Variants in SNRPN observed in about 807,000 individuals in gnomAD.
SNRPN encodes small nuclear ribonucleoprotein polypeptide N.
A neutral mutation model predicts 25.2 loss-of-function variants in SNRPN; 7 were observed. The ratio of observed to expected loss-of-function variants is 0.28; its 90% CI spans 0.16 to 0.52. The LOEUF is 0.52. Among genes scored for constraint, SNRPN ranks in the 20% least tolerant of loss-of-function variants. The pLI is 0.96. For synonymous variants in SNRPN, 124 were observed against 110.6 expected (o/e 1.12, Z -0.76); for missense variants, 196 against 322.5 (o/e 0.61, Z 3.00).
At chr15:24,837,976 G>A (rs2051361268) in intron 2 of SNRPN, among the ~76,000 whole-genome samples, 1 of 151,686 alleles carries the variant, frequency 6.6e-6, no homozygotes, top group Non-Finnish European at 1.5e-5. Context: ...GCCTGCCTCG[G>A]CCTCCCAAAG....
At chr15:24,958,795 C>G (rs2074300483) in intron 1 of SNRPN, 1 of 154,298 alleles carries the variant, frequency 6.5e-6, no homozygotes, top group Non-Finnish European at 1.5e-5. Flanking sequence ...TTATAGCTCC[C>G]TGTAACCTCA....
intron 2 of SNRPN, among the ~76,000 whole-genome samples, chr15:24,966,694 G>A (rs2075692309): frequency 6.6e-6 from 1 of 152,124 alleles, no homozygotes; most frequent in South Asian, 2.1e-4. Flanking sequence ...AGGATGTATA[G>A]GTTACTTCCC....
chr15:24,866,287 T>A (rs1402761671), intron 1 of SNRPN, among the ~76,000 whole-genome samples: 1 of 152,218 alleles, frequency 6.6e-6, no homozygotes, highest in Non-Finnish European at 1.5e-5. Flanking sequence ...ATGTATAACA[T>A]GAGGTTTGAA....
intron 2 of SNRPN, among the ~76,000 whole-genome samples, chr15:24,916,152 G>A (rs1188596216): frequency 6.6e-6 from 1 of 151,818 alleles, no homozygotes. Flanking sequence ...GTAGATAATG[G>A]GGTTTCACTA....
At chr15:24,962,032 A>T in intron 1 of SNRPN, 82 bp from the exon 2 acceptor site, 1 of 1,099,304 alleles carries the variant, frequency 9.1e-7, no homozygotes, top group Non-Finnish European at 1.4e-6. Context: ...TATTAAATGT[A>T]GTTCTAAATA....
chr15:24,831,769 T>A (rs1349396770), intron 2 of SNRPN, among the ~76,000 whole-genome samples: 1 of 152,122 alleles, frequency 6.6e-6, no homozygotes, highest in Non-Finnish European at 1.5e-5. Context: ...CATATTGTCA[T>A]GCAGATACAT....
At chr15:24,864,237 C>A (rs11634588) in intron 1 of SNRPN, among the ~76,000 whole-genome samples, 85,787 of 142,542 alleles carry the variant, frequency 0.6, 26,239 homozygotes, top group Middle Eastern at 0.75. Context: ...ACCATGTTAG[C>A]CAGGATGGTC....
At chr15:24,926,520 G>T (rs929380416) in intron 3 of SNRPN, among the ~76,000 whole-genome samples, 3 of 151,868 alleles carry the variant, frequency 2.0e-5, no homozygotes, top group Non-Finnish European at 4.4e-5. Flanking sequence ...TCACCATGCT[G>T]TTATATTCCT....
intron 3 of SNRPN, among the ~76,000 whole-genome samples, chr15:24,947,471 A>G (rs942313544): frequency 5.3e-5 from 8 of 152,198 alleles, no homozygotes; most frequent in African/African-American, 1.9e-4. Flanking sequence ...TCTACTAAAA[A>G]TACAAAAATT....
rs543992508 is a variant in SNRPN, at chr15:24,873,503, A to G, written c.-578-13013A>G. On this transcript the variant is annotated intron_variant, in intron 1 of 11. Coordinates refer to the SNRPN transcript ENST00000400097. ...CGCTCTGTTGCCCAGGCTAGAGTGCAGTGGTGCAATCTTGGCTCACTGCAA... is the reference window on the plus strand; with the variant it reads ...CGCTCTGTTGCCCAGGCTAGAGTGCGGTGGTGCAATCTTGGCTCACTGCAA... Among the ~76,000 whole-genome samples, 12 of 145,446 alleles carry G rather than the reference A, an allele frequency of 8.3e-5. No individual in the cohort carries two copies. The South Asian group carries it at 2.3e-3, about 28-fold the overall frequency.
exon 3 of SNRPN, chr15:24,920,107 G>T (rs1426211113): frequency 6.6e-6 from 1 of 152,076 alleles, no homozygotes; most frequent in Non-Finnish European, 1.5e-5. Context: ...ACCAGTGGCT[G>T]AATCTACTTT....
At chr15:24,842,824 T>C (rs2051823042) in intron 2 of SNRPN, among the ~76,000 whole-genome samples, 1 of 152,334 alleles carries the variant, frequency 6.6e-6, no homozygotes, top group Non-Finnish European at 1.5e-5. Flanking sequence ...CAAGGCCACC[T>C]GGAGGACTGT....
At chr15:24,970,738 T>G (rs1382980072) in intron 3 of SNRPN, among the ~76,000 whole-genome samples, 1 of 152,202 alleles carries the variant, frequency 6.6e-6, no homozygotes, top group Non-Finnish European at 1.5e-5. Context: ...AAACACATCA[T>G]GAGAAGTGCT....
At chr15:24,915,670 C>T (rs1316857169) in intron 2 of SNRPN, among the ~76,000 whole-genome samples, 1 of 152,096 alleles carries the variant, frequency 6.6e-6, no homozygotes, top group Non-Finnish European at 1.5e-5. Context: ...ATAGCATAAA[C>T]TTGTATTTGT....
chr15:24,970,181 T>G (rs2076222059), intron 3 of SNRPN, among the ~76,000 whole-genome samples: 2 of 152,212 alleles, frequency 1.3e-5, no homozygotes, highest in African/African-American at 4.8e-5. Context: ...CATGTTAAAG[T>G]CTGCTGTGGA....
At chr15:24,890,651 C>G (rs796833829) in intron 2 of SNRPN, among the ~76,000 whole-genome samples, 7 of 152,222 alleles carry the variant, frequency 4.6e-5, no homozygotes, top group South Asian at 2.1e-4. Flanking sequence ...TGCACTCCAG[C>G]CTGGGCAACA....
intron 2 of SNRPN, among the ~76,000 whole-genome samples, chr15:24,918,570 A>ATG (rs1432163676): frequency 0.015 from 845 of 56,244 alleles, 116 homozygotes; most frequent in African/African-American, 0.033. Context: ...CATAATATAT[A>ATG]TGTATATATA....
In SNRPN at chr15:24,978,419, C is replaced by G; in HGVS notation, c.698C>G (p.Pro233Arg). ...ATTTCCTTTCCAGGTCCACCTCCCC[C>G]AGGAATGCGTCCACCAAGACCTTAG... is the stretch of plus-strand genomic sequence containing the variant. The part of the protein sequence containing the change: ...PPPGIRGPPP[P>R]GMRPPRP The change falls in exon 10 of 10, where the codon CCA becomes CGA. Residue 233 changes from proline to arginine, a missense_variant. By Grantham distance (103) the Pro-to-Arg change is moderately radical. Coordinates refer to ENST00000390687, the MANE Select transcript of SNRPN (RefSeq NM_003097.6). 1 of 1,613,906 alleles carries G rather than the reference C, an allele frequency of 6.2e-7. No individual in the cohort carries two copies. Among genetic ancestry groups the G allele is most frequent in the Non-Finnish European group, 8.5e-7 (1 of 1,179,966 alleles).
intron 1 of SNRPN, among the ~76,000 whole-genome samples, chr15:24,955,648 A>C (rs1215621806): frequency 3.8e-5 from 3 of 79,728 alleles, no homozygotes; most frequent in Admixed American, 1.7e-4. Context: ...AGGCTATGGC[A>C]GTGGACCAGG....
Sources: allele counts gnomAD v4.1 joint callset (sites outside exome capture counted in the v4.1 genomes callset), GRCh38; gene constraint gnomAD v4.1.1; transcripts MANE v1.5; gene names NCBI Gene and HGNC (gene_info 2026-07-23, HGNC 2026-07-21).